Variants in CLU observed in about 807,000 individuals in gnomAD.
CLU encodes clusterin, also known as aging-associated protein 4.
CLU carries 25 observed loss-of-function variants against 46.4 expected under a neutral mutation model. The observed-to-expected ratio is 0.54, with a 90% CI of 0.39 to 0.75. The LOEUF (loss-of-function observed/expected upper bound fraction) is 0.75, where lower values mean the gene tolerates loss of function less well. Ranked by LOEUF, CLU falls within the 30% of genes least tolerant of loss-of-function variation. The pLI is 0.00. For missense variants in CLU, 504 were observed against 592.1 expected, an observed-to-expected ratio of 0.85 and a Z score of 1.54; for synonymous variants, 235 against 235.1, an observed-to-expected ratio of 1.00 and a Z score of 0.00.
Position 27,598,494 on chromosome 8 carries a change from C to A in CLU, c.1306G>T (p.Glu436Ter). ...TTGCGGTATTCCTGCAGCGCTTTCT[C>A]CGCCACGGTCTCCATAAATTTAGGG... ...KNPKFMETVA[E>*]KALQEYRKKH... Residue 436 changes from glutamate (E) to a stop codon, truncating the protein, a stop_gained, in exon 8 of 9, where the codon GAG (glutamate) becomes TAG (stop). Coordinates refer to ENST00000316403, the MANE Select transcript of CLU (RefSeq NM_001831.4). LOFTEE classifies it high-confidence loss of function. 1 of 1,614,100 alleles carries A rather than the reference C, an allele frequency of 6.2e-7. No individual in the cohort carries two copies. The highest frequency in any genetic ancestry group is 8.5e-7 in the Non-Finnish European group (1 of 1,180,030).
intron 3 of CLU, among the ~76,000 whole-genome samples, chr8:27,606,988 A>G (rs1800833908): frequency 6.6e-6 from 1 of 152,220 alleles, no homozygotes; most frequent in Admixed American, 6.5e-5. Context: ...CCAAAGCCAC[A>G]CCAGCTATCA....
intron 7 of CLU, 140 bp from the exon 8 acceptor site, chr8:27,598,775 T>C (rs1045044515): frequency 9.0e-6 from 7 of 780,850 alleles, no homozygotes; most frequent in East Asian, 5.2e-5. Flanking sequence ...ATGCTTCTTA[T>C]ACATCTAGAC....
chr8:27,598,293 A>G, intron 8 of CLU, 43 bp from the exon 9 acceptor site: 1 of 1,612,510 alleles, frequency 6.2e-7, no homozygotes, highest in Non-Finnish European at 8.5e-7. Flanking sequence ...AACATCCTCC[A>G]AAGGAAAAAT....
chr8:27,604,632 C>T (rs1639174764), intron 5 of CLU, among the ~76,000 whole-genome samples: 1 of 152,030 alleles, frequency 6.6e-6, no homozygotes, highest in African/African-American at 2.4e-5. Context: ...ACCACCACAC[C>T]CGGCTAATTT....
intron 1 of CLU, chr8:27,611,785 A>C (rs752927518): frequency 8.8e-6 from 4 of 456,730 alleles, no homozygotes; most frequent in South Asian, 6.2e-5. Flanking sequence ...AGATGGGGTC[A>C]GCGCCTTCCC....
In CLU at chr8:27,604,478, A is replaced by G. The variant is rs978808575; in HGVS notation, c.830-83T>C. 22 of 1,137,436 alleles carry G rather than the reference A, an allele frequency of 1.9e-5. No homozygotes were observed. The Admixed American group carries it at 4.3e-4, about 22-fold the overall frequency. The allele number at this position is 1,137,436 out of a possible 1,614,324, so 70.5% of individuals were successfully genotyped here. On this transcript the variant is annotated intron_variant, in intron 5 of 8. Transcript: ENST00000316403. ...CTGATTCCTATTGTTATTTTTATTTATTTTTTAATTTACAGACAGGGTCTC... is the reference window on the plus strand; with the variant it reads ...CTGATTCCTATTGTTATTTTTATTTGTTTTTTAATTTACAGACAGGGTCTC...
At position 27,598,199 on chromosome 8, in the gene CLU, G is replaced by A. The variant is rs1360572122; in HGVS notation, c.*42C>T. 2 of 1,608,558 alleles carry A rather than the reference G, an allele frequency of 1.2e-6. No individual in the cohort carries two copies. Among genetic ancestry groups the A allele is most frequent in the Non-Finnish European group, 1.7e-6 (2 of 1,175,476 alleles). On this transcript the variant is annotated 3_prime_UTR_variant, in exon 9 of 9. Coordinates refer to ENST00000316403, the MANE Select transcript of CLU (RefSeq NM_001831.4). ...GCTGCAGCTCATCTTGGGGGGAGCT[G>A]GACTCAGATGCCCCCGTAGGTGCAA... is the stretch of plus-strand genomic sequence containing the variant.
At chr8:27,613,681 A>G (rs1460335552) in intron 1 of CLU, 1 of 152,176 alleles carries the variant, frequency 6.6e-6, no homozygotes, top group Non-Finnish European at 1.5e-5. Context: ...ATCTTCAAAT[A>G]TTCTTTAAGG....
chr8:27,609,119 G>T, intron 2 of CLU, 33 bp from the exon 3 acceptor site: 1 of 1,610,968 alleles, frequency 6.2e-7, no homozygotes, highest in Non-Finnish European at 8.5e-7. Context: ...AGAATGAGGC[G>T]AGAGGAAGAG....
chr8:27,598,453 T>A lies in CLU; in HGVS notation c.1340+7A>T. 1 of 1,613,948 alleles carries A rather than the reference T, an allele frequency of 6.2e-7. No individual in the cohort carries two copies. The highest frequency in any genetic ancestry group is 1.1e-5 in the South Asian group (1 of 91,066). ...TGCAGGCCCGCAGGAAAGGCCCGCCTGCTTACCGGTGCTTTTTGCGGTATT... is the reference window on the plus strand; with the variant it reads ...TGCAGGCCCGCAGGAAAGGCCCGCCAGCTTACCGGTGCTTTTTGCGGTATT... On this transcript the variant is annotated splice_region_variant and intron_variant, in intron 8 of 8. Coordinates refer to ENST00000316403, the MANE Select transcript of CLU (RefSeq NM_001831.4).
chr8:27,599,550 C>T lies in CLU; in HGVS notation c.1164+230G>A. 1.8e-6 allele frequency: 1 copy of T among 550,004 alleles called. No homozygotes were observed. Among genetic ancestry groups the T allele is most frequent in the South Asian group, 2.1e-5 (1 of 47,234 alleles). The allele number at this position is 550,004 out of a possible 1,614,324, so 34.1% of individuals were successfully genotyped here. On this transcript the variant is annotated intron_variant, in intron 7 of 8. Transcript: ENST00000316403. This position sits in a 1 kb window ranked among gnomAD's most constrained non-coding sequence, Gnocchi z 4.0. ...AGGTTCAAATACCCGTCCAAGTCAT[C>T]TGTCAGCTATCACACCTTGGCCAAG...
chr8:27,604,498 G>A (rs374497304), intron 5 of CLU, 103 bp from the exon 6 acceptor site: 2 of 963,020 alleles, frequency 2.1e-6, no homozygotes, highest in Non-Finnish European at 3.2e-6. Flanking sequence ...TTACAGACAG[G>A]GTCTCACTCT....
In CLU at chr8:27,601,594, TC is replaced by T. The variant is rs1800722574; in HGVS notation, c.935-1586del. Among the ~76,000 whole-genome samples the T allele has an allele frequency of 6.6e-5, 10 of 152,226 alleles. No homozygotes were observed. In the South Asian group the frequency reaches 2.1e-3, roughly 32 times the overall value. Reference sequence around the variant, plus strand: ...CTAGCTCTTAAAACTACTGTTTTTCTCCCCCTAAGGTATTTCAAAAATATCC... The same window carrying T: ...CTAGCTCTTAAAACTACTGTTTTTCTCCCCTAAGGTATTTCAAAAATATCC... On this transcript the variant is annotated intron_variant, in intron 6 of 8. Coordinates refer to ENST00000316403, the MANE Select transcript of CLU (RefSeq NM_001831.4).
In CLU at chr8:27,598,270, T is replaced by G; in HGVS notation, c.1341-20A>C. On this transcript the variant is annotated intron_variant, in intron 8 of 8. Coordinates refer to ENST00000316403, the MANE Select transcript of CLU (RefSeq NM_001831.4). ...TCCTCCCTGAAATAAAAAACAGTTATCCTCCAAAGTAAAACATCCTCCAAA... is the reference window on the plus strand; with the variant it reads ...TCCTCCCTGAAATAAAAAACAGTTAGCCTCCAAAGTAAAACATCCTCCAAA... The G allele has an allele frequency of 6.2e-7, 1 of 1,613,676 alleles. No homozygotes were observed. Among genetic ancestry groups the G allele is most frequent in the Non-Finnish European group, 8.5e-7 (1 of 1,179,750 alleles).
chr8:27,607,839 C>T (rs1349187152), intron 3 of CLU, among the ~76,000 whole-genome samples: 1 of 152,106 alleles, frequency 6.6e-6, no homozygotes, highest in African/African-American at 2.4e-5. Flanking sequence ...GCAAGGACAA[C>T]CCACCTCCCA....
At chr8:27,600,597 T>C (rs1800702447) in intron 6 of CLU, among the ~76,000 whole-genome samples, 1 of 152,216 alleles carries the variant, frequency 6.6e-6, no homozygotes, top group Non-Finnish European at 1.5e-5. Context: ...GATTTATCTT[T>C]GGGTGCCAGA....
At chr8:27,606,978 C>T (rs1585254842) in intron 3 of CLU, among the ~76,000 whole-genome samples, 2 of 152,232 alleles carry the variant, frequency 1.3e-5, no homozygotes, top group Non-Finnish European at 2.9e-5. Flanking sequence ...GCATTCAGCA[C>T]CAAAGCCACA....
chr8:27,603,288 A>T (rs902751750), intron 6 of CLU, among the ~76,000 whole-genome samples: 8 of 152,146 alleles, frequency 5.3e-5, no homozygotes, highest in Admixed American at 4.6e-4. Flanking sequence ...CTGGTTGTGC[A>T]CTCATCTACA....
In CLU at chr8:27,597,923, C is replaced by T. The variant is rs577565070; in HGVS notation, c.*318G>A. 1.7e-6 allele frequency: 1 copy of T among 595,172 alleles called. No individual in the cohort carries two copies. Among genetic ancestry groups the T allele is most frequent in the African/African-American group, 1.8e-5 (1 of 54,704 alleles). The allele number at this position is 595,172 out of a possible 1,614,324, so 36.9% of individuals were successfully genotyped here. On this transcript the variant is annotated 3_prime_UTR_variant, in exon 9 of 9. Coordinates refer to ENST00000316403, the MANE Select transcript of CLU (RefSeq NM_001831.4). ...TTCTACTTATTTTCCATCCCCCCTG[C>T]CTGCCCCCCATAGCAAAATGAAGGC...
Sources: gnomAD v4.1 joint callset for allele counts (sites outside exome capture counted in the v4.1 genomes callset) on GRCh38, gnomAD v4.1.1 for gene constraint, Gnocchi (gnomAD v3.1) non-coding constraint, MANE v1.5 for transcripts, NCBI Gene and HGNC (gene_info 2026-07-23, HGNC 2026-07-21) for gene names.